The following MAST4 variants were observed in gnomAD, a reference collection of about 807,000 sequenced individuals.
The protein encoded by MAST4 is microtubule-associated serine/threonine-protein kinase 4.
Under a neutral mutation model 162.7 loss-of-function variants are expected in MAST4, and 89 were observed. That is an observed-to-expected ratio of 0.55 (90% CI 0.46 to 0.65). The LOEUF (loss-of-function observed/expected upper bound fraction) is 0.65. MAST4 is among the 30% of genes least tolerant of loss of function. The pLI is 0.00. For missense variants in MAST4, 3,153 were observed against 3,374.0 expected (o/e 0.93, Z 1.62); for synonymous variants, 1,479 against 1,361.1 (o/e 1.09, Z -1.91).
intron 3 of MAST4, among the ~76,000 whole-genome samples, chr5:66,835,045 C>T (rs1420004646): frequency 1.3e-5 from 2 of 152,180 alleles, no homozygotes; most frequent in East Asian, 1.9e-4. Context: ...AATGCACCTA[C>T]ACCACCCATC....
chr5:66,978,276 TGTA>T (rs1183565658), intron 4 of MAST4, among the ~76,000 whole-genome samples: 1 of 152,222 alleles, frequency 6.6e-6, no homozygotes, highest in African/African-American at 2.4e-5. Flanking sequence ...TTGGGTGAGT[TGTA>T]GTAATGAGAG....
chr5:66,888,306 G>A (rs1285973921), intron 3 of MAST4, among the ~76,000 whole-genome samples: 1 of 152,100 alleles, frequency 6.6e-6, no homozygotes, highest in Admixed American at 6.5e-5. Flanking sequence ...TTTGCATTTA[G>A]ATGGAGAGGA....
intron 4 of MAST4, among the ~76,000 whole-genome samples, chr5:67,033,603 A>G (rs1004667124): frequency 5.9e-5 from 9 of 152,194 alleles, no homozygotes; most frequent in African/African-American, 2.2e-4. Flanking sequence ...ATGCTAAAGC[A>G]GTGATGTGTG....
intron 4 of MAST4, among the ~76,000 whole-genome samples, chr5:66,919,968 CCTTCCT>C (rs1764419465): frequency 1.9e-5 from 2 of 105,628 alleles, no homozygotes; most frequent in African/African-American, 9.2e-5. Flanking sequence ...TTCCTTCCTT[CCTTCCT>C]TCTTTCTCTC....
At chr5:66,682,986 A>C (rs773823823) in intron 1 of MAST4, among the ~76,000 whole-genome samples, 31 of 152,260 alleles carry the variant, frequency 2.0e-4, no homozygotes, top group Non-Finnish European at 3.7e-4. Context: ...GGATAGAATA[A>C]AGGGCAGGCG....
chr5:67,149,863 G>A (rs991332203), intron 24 of MAST4, among the ~76,000 whole-genome samples: 3 of 151,966 alleles, frequency 2.0e-5, no homozygotes, highest in African/African-American at 7.3e-5. Flanking sequence ...TTTCTGTTTT[G>A]TTTCCTTTCG....
Position 67,054,484 on chromosome 5 carries a change from C to T in MAST4, c.755C>T (p.Ala252Val). The T allele has an allele frequency of 6.2e-7, 1 of 1,608,420 alleles. No homozygotes were observed. Among genetic ancestry groups the T allele is most frequent in the Non-Finnish European group, 8.5e-7 (1 of 1,177,472 alleles). The part of the protein sequence containing the change: ...ALPRPHSPLS[A>V]HAGNSPQDSP... ...CCTCGACCACACTCACCTCTCTCTG[C>T]TCATGCAGGTAATTGGTTACCATTT... Residue 252 changes from alanine (A) to valine (V), a missense_variant, in exon 5 of 29, where the codon GCT becomes GTT. Physicochemically the swap from Ala to Val is moderately conservative, Grantham distance 64 (BLOSUM62 0). Around this residue, in one of 7 missense-constraint regions of MAST4, gnomAD observed 360 missense variants for 450.0 expected, o/e 0.80. Transcript: ENST00000403625.
At position 66,895,589 on chromosome 5, in the gene MAST4, C is replaced by T. The variant is rs558118288; in HGVS notation, c.643-4362C>T. 9.2e-4 allele frequency among the ~76,000 whole-genome samples: 140 copies of T among 152,298 alleles called. 3 individuals are homozygous for T. In the South Asian group the frequency reaches 0.028, roughly 30 times the overall value. Reference sequence around the variant, plus strand: ...GACTCCTTGCTTTCTCTTTCACGCTCCACATCCAGTTTCTGTGTAAATCTT... The same window carrying T: ...GACTCCTTGCTTTCTCTTTCACGCTTCACATCCAGTTTCTGTGTAAATCTT... On this transcript the variant is annotated intron_variant, in intron 3 of 28. Transcript: ENST00000403625.
At chr5:66,658,858 C>A (rs1746718230) in intron 1 of MAST4, among the ~76,000 whole-genome samples, 1 of 151,930 alleles carries the variant, frequency 6.6e-6, no homozygotes. Context: ...CTAGTCTCTA[C>A]AAAAAATTAA....
intron 4 of MAST4, among the ~76,000 whole-genome samples, chr5:66,966,051 G>C (rs1265608449): frequency 6.6e-6 from 1 of 152,152 alleles, no homozygotes; most frequent in Non-Finnish European, 1.5e-5. Context: ...TATGTACATG[G>C]TTTCATTCCA....
intron 4 of MAST4, among the ~76,000 whole-genome samples, chr5:66,915,726 GT>G (rs1764073192): frequency 6.6e-6 from 1 of 152,078 alleles, no homozygotes; most frequent in Non-Finnish European, 1.5e-5. Context: ...GGGGACACAG[GT>G]CCTCCTGCAC....
intron 2 of MAST4, among the ~76,000 whole-genome samples, chr5:66,778,632 A>G (rs901939309): frequency 2.0e-5 from 3 of 152,230 alleles, no homozygotes; most frequent in African/African-American, 7.2e-5. Flanking sequence ...CCATTTAAAA[A>G]TAAACTATGT....
intron 1 of MAST4, among the ~76,000 whole-genome samples, chr5:66,616,813 G>A (rs114348402): frequency 3.2e-4 from 48 of 152,322 alleles, no homozygotes; most frequent in Middle Eastern, 3.4e-3. Flanking sequence ...AGACTTCCTC[G>A]TGTAAATAAT....
intron 4 of MAST4, among the ~76,000 whole-genome samples, chr5:66,934,977 T>A (rs1247828451): frequency 6.6e-6 from 1 of 152,208 alleles, no homozygotes. Context: ...CACAGTGTTT[T>A]TTCAGTAGGT....
At chr5:66,886,782 C>T (rs1398450284) in intron 3 of MAST4, among the ~76,000 whole-genome samples, 1 of 151,220 alleles carries the variant, frequency 6.6e-6, no homozygotes, top group Admixed American at 6.6e-5. Flanking sequence ...CAGATGGCTG[C>T]ATTCACATGT....
At chr5:66,810,316 C>T (rs866599553) in intron 3 of MAST4, among the ~76,000 whole-genome samples, 1 of 152,172 alleles carries the variant, frequency 6.6e-6, no homozygotes, top group Non-Finnish European at 1.5e-5. Flanking sequence ...TACCTACGGG[C>T]CATTTTTGCA....
chr5:66,943,529 T>C (rs994439030), intron 4 of MAST4, among the ~76,000 whole-genome samples: 1 of 152,116 alleles, frequency 6.6e-6, no homozygotes, highest in South Asian at 2.1e-4. Context: ...TAGCATACAG[T>C]TGAAATCTAT....
At chr5:67,137,445 TC>T (rs1769806272) in intron 19 of MAST4, among the ~76,000 whole-genome samples, 2 of 152,216 alleles carry the variant, frequency 1.3e-5, no homozygotes, top group South Asian at 4.1e-4. Flanking sequence ...ATAATTTTCA[TC>T]AGTGAAAAGT....
chr5:67,024,832 G>T (rs1168355933), intron 4 of MAST4, among the ~76,000 whole-genome samples: 4 of 147,656 alleles, frequency 2.7e-5, no homozygotes, highest in African/African-American at 2.5e-5. Flanking sequence ...GGGATCCCAT[G>T]TTTTTTTTTT....
Sources: allele counts gnomAD v4.1 joint callset (sites outside exome capture counted in the v4.1 genomes callset), GRCh38; gene constraint gnomAD v4.1.1; regional missense constraint gnomAD v4.1.1; transcripts MANE v1.5; gene names NCBI Gene and HGNC (gene_info 2026-07-23, HGNC 2026-07-21).